The following NHEJ1 variants were observed in gnomAD, a reference collection of about 807,000 sequenced individuals.
NHEJ1 encodes the protein non-homologous end joining factor 1, also known as non-homologous end-joining factor 1.
NHEJ1 carries 22 observed loss-of-function variants against 39.4 expected under a neutral mutation model. The observed-to-expected ratio is 0.56, with a 90% CI of 0.40 to 0.80. The LOEUF is 0.80. NHEJ1 is among the 30% of genes least tolerant of loss of function. The pLI is 0.00. For missense variants in NHEJ1, 329 were observed against 357.1 expected, an observed-to-expected ratio of 0.92 and a Z score of 0.63; for synonymous variants, 154 against 135.6, an observed-to-expected ratio of 1.14 and a Z score of -0.94.
intron 5 of NHEJ1, among the ~76,000 whole-genome samples, chr2:219,078,870 T>TGC (rs1236125511): frequency 1.3e-5 from 2 of 152,156 alleles, no homozygotes; most frequent in African/African-American, 4.8e-5. Context: ...GTATAAAGCG[T>TGC]GCACACACAC....
chr2:219,123,393 A>G (rs1489926212), intron 5 of NHEJ1, among the ~76,000 whole-genome samples: 1 of 152,218 alleles, frequency 6.6e-6, no homozygotes, highest in Non-Finnish European at 1.5e-5. Flanking sequence ...AGACAGAAGG[A>G]GTCAGAATCT....
chr2:219,078,846 C>G (rs56089929), intron 5 of NHEJ1, among the ~76,000 whole-genome samples: 2,450 of 152,210 alleles, frequency 0.016, 70 homozygotes, highest in African/African-American at 0.056. Context: ...GTAAAAAAAA[C>G]TGACTCTTTT....
rs560689031 is a variant in NHEJ1 at position 219,074,898 on chromosome 2, G to C, written c.*1483C>G. 1.6e-4 allele frequency among the ~76,000 whole-genome samples: 25 copies of C among 152,270 alleles called. No individual in the cohort carries two copies. Among genetic ancestry groups the C allele is most frequent in the African/African-American group, 6.0e-4 (25 of 41,546 alleles). On this transcript the variant is annotated 3_prime_UTR_variant, in exon 8 of 8. Transcript: ENST00000356853. ...AAAGTTATCAGCAGTGACTGGGAAT[G>C]AGCCTTGGTGGAGATCTCAGACTCT... is the stretch of plus-strand genomic sequence containing the variant.
At chr2:219,093,258 G>A (rs1949177957) in intron 5 of NHEJ1, among the ~76,000 whole-genome samples, 1 of 152,152 alleles carries the variant, frequency 6.6e-6, no homozygotes, top group Non-Finnish European at 1.5e-5. Context: ...CTGGCAGGCA[G>A]GGCGACTAAT....
chr2:219,085,951 T>C (rs1001463060), intron 5 of NHEJ1, among the ~76,000 whole-genome samples: 6 of 152,182 alleles, frequency 3.9e-5, no homozygotes, highest in African/African-American at 1.4e-4. Flanking sequence ...CTACATATAC[T>C]ATTCAGATTT....
chr2:219,106,804 A>T (rs13408337), intron 5 of NHEJ1, among the ~76,000 whole-genome samples: 16,250 of 152,224 alleles, frequency 0.11, 887 homozygotes, highest in African/African-American at 0.13. Flanking sequence ...AAAAGTACAG[A>T]CAGTCAGCAA....
intron 1 of NHEJ1, among the ~76,000 whole-genome samples, chr2:219,160,302 G>A (rs951450729): frequency 1.3e-5 from 2 of 151,722 alleles, no homozygotes; most frequent in Non-Finnish European, 2.9e-5. Context: ...CGGTCCCCCT[G>A]GGACAGCGCG....
intron 5 of NHEJ1, among the ~76,000 whole-genome samples, chr2:219,140,317 G>A (rs1949678476): frequency 1.3e-5 from 2 of 152,232 alleles, no homozygotes; most frequent in South Asian, 4.1e-4. Flanking sequence ...TATAAATGAA[G>A]TGTTAAGCCA....
chr2:219,094,777 G>C (rs1420787806), intron 5 of NHEJ1, among the ~76,000 whole-genome samples: 1 of 152,094 alleles, frequency 6.6e-6, no homozygotes, highest in East Asian at 1.9e-4. Flanking sequence ...TCACTTAGGA[G>C]GCACAAACAG....
chr2:219,115,772 C>A (rs1489856493), intron 5 of NHEJ1, among the ~76,000 whole-genome samples: 1 of 152,180 alleles, frequency 6.6e-6, no homozygotes, highest in Non-Finnish European at 1.5e-5. Context: ...CAGCTCCCTA[C>A]TCGTTTGCAA....
At chr2:219,083,592 G>C (rs193147873) in intron 5 of NHEJ1, among the ~76,000 whole-genome samples, 1 of 152,102 alleles carries the variant, frequency 6.6e-6, no homozygotes, top group African/African-American at 2.4e-5. Context: ...CATACTTAAC[G>C]GTTTATTTTG....
At chr2:219,137,570 CAAAAAAAA>C (rs58279021) in intron 5 of NHEJ1, among the ~76,000 whole-genome samples, 2 of 34,714 alleles carry the variant, frequency 5.8e-5, no homozygotes, top group South Asian at 1.8e-3. Context: ...GTGTTACAGG[CAAAAAAAA>C]AAAAAAAAAA....
intron 5 of NHEJ1, among the ~76,000 whole-genome samples, chr2:219,139,120 T>A (rs1949665738): frequency 6.6e-6 from 1 of 151,962 alleles, no homozygotes; most frequent in Non-Finnish European, 1.5e-5. Flanking sequence ...CAGAGTCTCA[T>A]TCTGTTGCCC....
intron 3 of NHEJ1, among the ~76,000 whole-genome samples, chr2:219,149,040 T>A (rs774303225): frequency 6.6e-6 from 1 of 151,976 alleles, no homozygotes; most frequent in Non-Finnish European, 1.5e-5. Flanking sequence ...TGCACCACGA[T>A]GCCCGGCTAA....
At chr2:219,118,908 C>T (rs1250138860) in intron 5 of NHEJ1, among the ~76,000 whole-genome samples, 1 of 152,142 alleles carries the variant, frequency 6.6e-6, no homozygotes, top group Non-Finnish European at 1.5e-5. Context: ...GGGGCCCGCT[C>T]CAGCACACAG....
At chr2:219,136,286 CTTT>C (rs36102678) in intron 5 of NHEJ1, among the ~76,000 whole-genome samples, 54 of 125,800 alleles carry the variant, frequency 4.3e-4, no homozygotes, top group Admixed American at 4.8e-4. Context: ...CACTTGGTTT[CTTT>C]TTTTTTTTTT....
Position 219,076,077 on chromosome 2 carries a change from T to C in NHEJ1, c.*304A>G. 3 of 540,326 alleles carry C rather than the reference T, an allele frequency of 5.6e-6. No individual in the cohort carries two copies. The highest frequency in any genetic ancestry group is 9.7e-6 in the Non-Finnish European group (3 of 307,912). 33.5% of individuals were successfully genotyped at this position (540,326 alleles called of 1,614,324 possible). On this transcript the variant is annotated 3_prime_UTR_variant, in exon 8 of 8. Transcript: ENST00000356853. ...CTAGGGAAAGGTAGACAAGGCTTCCTGAGTGTGTGGTGCTTTCTTGCTGAC... is the reference window on the plus strand; with the variant it reads ...CTAGGGAAAGGTAGACAAGGCTTCCCGAGTGTGTGGTGCTTTCTTGCTGAC...
chr2:219,084,834 C>T (rs1421216283), intron 5 of NHEJ1, among the ~76,000 whole-genome samples: 1 of 152,190 alleles, frequency 6.6e-6, no homozygotes, highest in South Asian at 2.1e-4. Context: ...TCATTCTCTC[C>T]ACCCTCTTTT....
chr2:219,108,475 A>G (rs1397944432), intron 5 of NHEJ1, among the ~76,000 whole-genome samples: 1 of 152,176 alleles, frequency 6.6e-6, no homozygotes, highest in Admixed American at 6.5e-5. Flanking sequence ...GCCTTTTCCT[A>G]GGGTCTATTT....
Sources: allele counts gnomAD v4.1 joint callset (sites outside exome capture counted in the v4.1 genomes callset), GRCh38; gene constraint gnomAD v4.1.1; transcripts MANE v1.5; gene names NCBI Gene and HGNC (gene_info 2026-07-23, HGNC 2026-07-21).